The following WBP2NL variants were observed in gnomAD, a reference collection of about 807,000 sequenced individuals.
The protein encoded by WBP2NL is WBP2 N-terminal like.
A neutral mutation model predicts 23.3 loss-of-function variants in WBP2NL; 27 were observed. The ratio of observed to expected loss-of-function variants is 1.16; its 90% confidence interval spans 0.85 to 1.60. The LOEUF (loss-of-function observed/expected upper bound fraction) is 1.60. Ranked by LOEUF, WBP2NL falls within the 40% of genes most tolerant of loss-of-function variation. The pLI, the probability that WBP2NL is intolerant of heterozygous loss-of-function variation, is 0.00. For synonymous variants in WBP2NL, 151 were observed against 145.9 expected (o/e 1.03, Z -0.25); for missense variants, 370 against 389.5 (o/e 0.95, Z 0.42).
rs753734140 is a variant in WBP2NL at position 42,020,003 on chromosome 22, G to T, written c.314-1G>T. The stretch of plus-strand genomic sequence containing the variant: ...TGAGTGTGTGCCATTTCTTCCCCCA[G>T]GTGGCTGGGAAGGACAAGCTACTTT... On this transcript the variant is annotated splice_acceptor_variant, in intron 3 of 5. Transcript: ENST00000328823. LOFTEE classifies it high-confidence loss of function. 1 of 1,613,568 alleles carries T rather than the reference G, an allele frequency of 6.2e-7. No individual in the cohort carries two copies. The highest frequency in any genetic ancestry group is 2.2e-5 in the East Asian group (1 of 44,866).
At chr22:42,033,922 T>C (rs1925084719), downstream of WBP2NL, among the ~76,000 whole-genome samples, 1 of 152,324 alleles carries the variant, frequency 6.6e-6, no homozygotes, top group Non-Finnish European at 1.5e-5. Flanking sequence ...GGGACTGGCA[T>C]CCTGGCCCCC....
chr22:42,003,629 G>C (rs1051620680), intron 1 of WBP2NL, among the ~76,000 whole-genome samples: 1 of 152,114 alleles, frequency 6.6e-6, no homozygotes, highest in Admixed American at 6.6e-5. Context: ...AAAAAAACTT[G>C]AGCAGGAGAA....
chr22:42,001,521 C>T (rs1420260039), intron 1 of WBP2NL: 4 of 1,016,884 alleles, frequency 3.9e-6, no homozygotes, highest in Non-Finnish European at 6.2e-6. Flanking sequence ...TCCCTTTCAG[C>T]TCCAGCTTTG....
Position 42,019,399 on chromosome 22 carries a change from T to C in WBP2NL, c.151T>C (p.Leu51=). Residue 51 remains leucine (L), a synonymous_variant, in exon 2 of 6, where the codon TTG becomes CTG. Transcript: ENST00000328823. ...CTTTAGTGGTAGAAAGACAGGAACA[T>C]TGTTTCTCACTTCATACCGGGTAAT... ...NVFSGRKTGT[L]FLTSYRVIFI... The C allele has an allele frequency of 6.2e-7, 1 of 1,614,128 alleles. No homozygotes were observed.
chr22:42,001,908 G>A (rs1383944369), intron 1 of WBP2NL: 6 of 1,457,626 alleles, frequency 4.1e-6, no homozygotes, highest in Non-Finnish European at 5.5e-6. Flanking sequence ...CTTGGAGATG[G>A]CTGCGGCCAC....
chr22:42,032,616 T>C (rs996798991), downstream of WBP2NL: 67 of 279,520 alleles, frequency 2.4e-4, no homozygotes, highest in African/African-American at 1.4e-3. Context: ...TGTAAAAATT[T>C]ATTCTGTTAC....
chr22:42,001,150 C>G, intron 1 of WBP2NL: 1 of 916,492 alleles, frequency 1.1e-6, no homozygotes, highest in Non-Finnish European at 1.8e-6. Context: ...ACCATGCACC[C>G]TTGAAAACAG....
At chr22:42,020,801 A>G (rs133338) in intron 4 of WBP2NL, among the ~76,000 whole-genome samples, 101,817 of 139,852 alleles carry the variant, frequency 0.73, 37,491 homozygotes, top group East Asian at 0.91. Context: ...TAATGGATGT[A>G]CCACAGAACT....
chr22:42,025,696 A>G (rs1032428900), intron 5 of WBP2NL, among the ~76,000 whole-genome samples: 1 of 152,230 alleles, frequency 6.6e-6, no homozygotes, highest in East Asian at 1.9e-4. Flanking sequence ...TTGTGCCAGT[A>G]AAACACTGTC....
At chr22:42,036,480 T>TC (rs1925187285), downstream of WBP2NL, among the ~76,000 whole-genome samples, 1 of 152,224 alleles carries the variant, frequency 6.6e-6, no homozygotes, top group Non-Finnish European at 1.5e-5. Context: ...GGCCATGTGT[T>TC]CTATTTTTAA....
At chr22:42,004,441 A>G (rs1922013714) in intron 1 of WBP2NL, among the ~76,000 whole-genome samples, 2 of 152,058 alleles carry the variant, frequency 1.3e-5, no homozygotes, top group African/African-American at 4.8e-5. Flanking sequence ...TAAAAATACA[A>G]AAAATAGTTG....
At chr22:42,045,193 C>T (rs557765859) in intron 8 of WBP2NL, among the ~76,000 whole-genome samples, 11 of 152,228 alleles carry the variant, frequency 7.2e-5, no homozygotes, top group East Asian at 5.8e-4. Context: ...AATCCCAGCA[C>T]TTTGGGAGTC....
intron 8 of WBP2NL, among the ~76,000 whole-genome samples, chr22:42,048,981 A>C (rs1411549173): frequency 6.6e-6 from 1 of 152,216 alleles, no homozygotes; most frequent in African/African-American, 2.4e-5. Context: ...GTTCTGGCTA[A>C]TCCAGTAAGA....
chr22:41,999,818 G>A (rs1693556689), intron 1 of WBP2NL, among the ~76,000 whole-genome samples: 1 of 152,196 alleles, frequency 6.6e-6, no homozygotes, highest in Non-Finnish European at 1.5e-5. Flanking sequence ...AGCACTGTTG[G>A]TCGCAGGAAG....
chr22:41,999,503 C>T (rs1921359730), intron 1 of WBP2NL, among the ~76,000 whole-genome samples: 1 of 152,158 alleles, frequency 6.6e-6, no homozygotes, highest in South Asian at 2.1e-4. Context: ...AAAATTGAGG[C>T]CAGGTGCAGT....
At chr22:42,017,617 CTATT>C (rs1923434136) in intron 1 of WBP2NL, among the ~76,000 whole-genome samples, 1 of 152,140 alleles carries the variant, frequency 6.6e-6, no homozygotes, top group Non-Finnish European at 1.5e-5. Context: ...CTTTTAATAA[CTATT>C]TAGAGCACCC....
chr22:42,020,887 TATATATATATATATATATATA>T (rs1265125567), intron 4 of WBP2NL, among the ~76,000 whole-genome samples: 5 of 62,226 alleles, frequency 8.0e-5, no homozygotes, highest in South Asian at 6.7e-4. Context: ...TATATATATA[TATATATATATATATATATATA>T]TTTTTTTTTT....
chr22:42,003,201 G>C (rs1382813191), intron 1 of WBP2NL: 1 of 71,454 alleles, frequency 1.4e-5, no homozygotes, highest in Admixed American at 1.5e-4. Context: ...AATTACATTG[G>C]TTCTCTCCAG....
downstream of WBP2NL, among the ~76,000 whole-genome samples, chr22:42,028,976 A>G (rs992680845): frequency 6.6e-6 from 1 of 152,158 alleles, no homozygotes; most frequent in African/African-American, 2.4e-5. Flanking sequence ...TTATTTCCTA[A>G]TTGCTCCCTG....
Sources: allele counts gnomAD v4.1 joint callset (sites outside exome capture counted in the v4.1 genomes callset), GRCh38; gene constraint gnomAD v4.1.1; transcripts MANE v1.5; gene names NCBI Gene and HGNC (gene_info 2026-07-23, HGNC 2026-07-21).